Variants in HSBP1 observed in about 807,000 individuals in gnomAD.
HSBP1 encodes heat shock factor-binding protein 1.
In HSBP1, 5 loss-of-function variants were observed where a neutral mutation model predicts 9.6. The observed-to-expected ratio is 0.52, with a 90% confidence interval of 0.27 to 1.09. The LOEUF (loss-of-function observed/expected upper bound fraction) is 1.09, where lower values mean the gene tolerates loss of function less well. Among genes scored for constraint, HSBP1 ranks in the 50% least tolerant of loss-of-function variants. The pLI, the probability that HSBP1 is intolerant of heterozygous loss-of-function variation, is 0.11. For synonymous variants in HSBP1, 42 were observed against 33.3 expected (o/e 1.26, Z -0.90); for missense variants, 121 against 96.3 (o/e 1.26, Z -1.07).
At chr16:83,808,535 G>T (rs1904516996) in intron 1 of HSBP1, 145 bp from the exon 2 acceptor site, 4 of 625,730 alleles carry the variant, frequency 6.4e-6, no homozygotes, top group Non-Finnish European at 1.1e-5. Context: ...CGGAAGCCCA[G>T]AGAAGGAAGA....
At chr16:83,808,641 T>G in intron 1 of HSBP1, 39 bp from the exon 2 acceptor site, 1 of 1,548,446 alleles carries the variant, frequency 6.5e-7, no homozygotes, top group Non-Finnish European at 8.9e-7. Context: ...TGTCTCAGGA[T>G]CGATGTGGAC....
Position 83,819,088 on chromosome 16 carries a change from A to C in HSBP1, c.*7670A>C, listed in dbSNP as rs1273349929. ...GAGAGAGCCAGGGCCTTCGGGCATC[A>C]ACCTTGGGGCGAGGGTGTTGGGTTG... On this transcript the variant is annotated 3_prime_UTR_variant, in exon 4 of 4. Coordinates refer to ENST00000433866, the MANE Select transcript of HSBP1 (RefSeq NM_001537.4). The C allele has an allele frequency of 1.3e-5, 2 of 151,952 alleles. No homozygotes were observed. The highest frequency in any genetic ancestry group is 2.9e-5 in the Non-Finnish European group (2 of 67,980). The allele number at this position is 151,952 out of a possible 1,614,324, so 9.4% of individuals were successfully genotyped here. A position where few individuals can be genotyped will look rare whatever the true frequency, so the allele number is the denominator to read the frequency against.
Position 83,815,629 on chromosome 16 carries a change from T to C in HSBP1, c.*4211T>C, listed in dbSNP as rs527446235. On this transcript the variant is annotated 3_prime_UTR_variant, in exon 4 of 4. Coordinates refer to ENST00000433866, the MANE Select transcript of HSBP1 (RefSeq NM_001537.4). Reference sequence around the variant, plus strand: ...AGGGTTCGAGTGATCCTGAAAGCTGTACAACATCAGCCTCTGTGGGATCCC... The same window carrying C: ...AGGGTTCGAGTGATCCTGAAAGCTGCACAACATCAGCCTCTGTGGGATCCC... 2 of 152,290 alleles carry C rather than the reference T, an allele frequency of 1.3e-5. No individual in the cohort carries two copies. The allele number at this position is 152,290 out of a possible 1,614,324, so 9.4% of individuals were successfully genotyped here.
At position 83,815,416 on chromosome 16, in the gene HSBP1, G is replaced by A. The variant is rs1470247105; in HGVS notation, c.*3998G>A. 2 of 152,110 alleles carry A rather than the reference G, an allele frequency of 1.3e-5. No individual in the cohort carries two copies. The highest frequency in any genetic ancestry group is 2.9e-5 in the Non-Finnish European group (2 of 68,086). The allele number at this position is 152,110 out of a possible 1,614,324, so 9.4% of individuals were successfully genotyped here. On this transcript the variant is annotated 3_prime_UTR_variant, in exon 4 of 4. Coordinates refer to ENST00000433866, the MANE Select transcript of HSBP1 (RefSeq NM_001537.4). ...GCTCCCAGCTACTCAGGAGGCTGAG[G>A]TGGGAGGATCATTTGAGCCCAGGAA...
In HSBP1 at chr16:83,814,934, C is replaced by T. The variant is rs1257831049; in HGVS notation, c.*3516C>T. 2 of 148,286 alleles carry T rather than the reference C, an allele frequency of 1.3e-5. No homozygotes were observed. The highest frequency in any genetic ancestry group is 3.0e-5 in the Non-Finnish European group (2 of 65,932). 9.2% of individuals were successfully genotyped at this position (148,286 alleles called of 1,614,324 possible). On this transcript the variant is annotated 3_prime_UTR_variant, in exon 4 of 4. Coordinates refer to ENST00000433866, the MANE Select transcript of HSBP1 (RefSeq NM_001537.4). ...CCCACAAAAATTATTGCTTGAGGCC[C>T]AACCCGGGGGATAAAAAGACACCCC... is the stretch of plus-strand genomic sequence containing the variant.
Position 83,808,611 on chromosome 16 carries a change from G to A in HSBP1, c.46-69G>A. On this transcript the variant is annotated intron_variant, in intron 1 of 3. Coordinates refer to ENST00000433866, the MANE Select transcript of HSBP1 (RefSeq NM_001537.4). ...GGCTGGAACCCCGGGACCAGGGCTTGCGTCCTGATCCCAGGAAGTTGTCTC... is the reference window on the plus strand; with the variant it reads ...GGCTGGAACCCCGGGACCAGGGCTTACGTCCTGATCCCAGGAAGTTGTCTC... 2.4e-6 allele frequency: 3 copies of A among 1,253,270 alleles called. 1 individual carries two copies. In the South Asian group the frequency reaches 3.8e-5, roughly 16 times the overall value. The allele number at this position is 1,253,270 out of a possible 1,614,324, so 77.6% of individuals were successfully genotyped here.
At chr16:83,810,521 C>CAAAAA (rs751338141) in intron 3 of HSBP1, among the ~76,000 whole-genome samples, 13 of 51,598 alleles carry the variant, frequency 2.5e-4, no homozygotes, top group Non-Finnish European at 2.9e-4. Context: ...GACTCTGTCT[C>CAAAAA]AAAAAAAAAA....
At position 83,809,363 on chromosome 16, in the gene HSBP1, A is replaced by C. The variant is rs774918874; in HGVS notation, c.171A>C (p.Thr57=). ...AAAAGAATATCGCGGACCTCATGAC[A>C]CAGGCTGGGGTGGAAGAACTGGAAA... ...DLEKNIADLM[T]QAGVEELESE... Residue 57 remains threonine, a synonymous_variant, in exon 3 of 4, where the codon ACA becomes ACC. Transcript: ENST00000433866. The C allele has an allele frequency of 1.2e-6, 2 of 1,605,538 alleles. No homozygotes were observed. Among genetic ancestry groups the C allele is most frequent in the Non-Finnish European group, 1.7e-6 (2 of 1,176,018 alleles).
chr16:83,815,517 A>AC lies in HSBP1; in HGVS notation c.*4099_*4100insC, dbSNP rs1281317431. 4.0e-5 allele frequency: 6 copies of AC among 151,536 alleles called. No homozygotes were observed. Among genetic ancestry groups the AC allele is most frequent in the Non-Finnish European group, 8.8e-5 (6 of 67,952 alleles). The allele number at this position is 151,536 out of a possible 1,614,324, so 9.4% of individuals were successfully genotyped here. A position where few individuals can be genotyped will look rare whatever the true frequency, so the allele number is the denominator to read the frequency against. On this transcript the variant is annotated 3_prime_UTR_variant, in exon 4 of 4. Transcript: ENST00000433866. The stretch of plus-strand genomic sequence containing the variant: ...ACAGAGCAAGACCCTGTCTCAAAAA[A>AC]AAAAAAAAAGGGCGGATCCTAACGC...
chr16:83,809,043 T>A (rs1904533690), intron 2 of HSBP1: 1 of 542,280 alleles, frequency 1.8e-6, no homozygotes, highest in Non-Finnish European at 3.3e-6. Flanking sequence ...ACCTTATGAG[T>A]GGGTTGTAGT....
At position 83,811,865 on chromosome 16, in the gene HSBP1, C is replaced by T. The variant is rs565856092; in HGVS notation, c.*447C>T. ...TTCTTTAATTCTTGGCACAACGTGA[C>T]TGTTGAGCTAACACCAAATAGTGTG... is the stretch of plus-strand genomic sequence containing the variant. On this transcript the variant is annotated 3_prime_UTR_variant, in exon 4 of 4. Coordinates refer to ENST00000433866, the MANE Select transcript of HSBP1 (RefSeq NM_001537.4). 1 of 152,304 alleles carries T rather than the reference C, an allele frequency of 6.6e-6. No homozygotes were observed. The highest frequency in any genetic ancestry group is 1.5e-5 in the Non-Finnish European group (1 of 68,030). 9.4% of individuals were successfully genotyped at this position (152,304 alleles called of 1,614,324 possible).
intron 1 of HSBP1, chr16:83,808,413 A>C (rs1158870518): frequency 3.6e-6 from 2 of 562,314 alleles, no homozygotes; most frequent in Non-Finnish European, 3.1e-6. Context: ...CCGCCCTTCA[A>C]CTCCTCACAC....
intron 3 of HSBP1, among the ~76,000 whole-genome samples, chr16:83,810,680 T>A (rs752622279): frequency 3.5e-4 from 53 of 151,684 alleles, no homozygotes; most frequent in Middle Eastern, 6.8e-3. Flanking sequence ...GTACAAAAAT[T>A]AGCTGGGTGT....
Position 83,816,904 on chromosome 16 carries a change from G to A in HSBP1, c.*5486G>A, listed in dbSNP as rs758056065. The A allele has an allele frequency of 6.6e-6, 1 of 152,200 alleles. No individual in the cohort carries two copies. Among genetic ancestry groups the A allele is most frequent in the Non-Finnish European group, 1.5e-5 (1 of 68,054 alleles). 9.4% of individuals were successfully genotyped at this position (152,200 alleles called of 1,614,324 possible). A position where few individuals can be genotyped will look rare whatever the true frequency, so the allele number is the denominator to read the frequency against. ...AGAAAGGAAATCAGAATGGCTATCG[G>A]GTGGACAACCTACAGTGTTTGCTAC... On this transcript the variant is annotated 3_prime_UTR_variant, in exon 4 of 4. Transcript: ENST00000433866.
intron 3 of HSBP1, among the ~76,000 whole-genome samples, chr16:83,810,078 G>A (rs556080812): frequency 6.6e-6 from 1 of 150,872 alleles, no homozygotes; most frequent in Non-Finnish European, 1.5e-5. Flanking sequence ...TATAAAGCCT[G>A]TCACTGGAAG....
chr16:83,815,526 A>AAT lies in HSBP1; in HGVS notation c.*4108_*4109insAT, dbSNP rs1555531565. Reference sequence around the variant, plus strand: ...GACCCTGTCTCAAAAAAAAAAAAAAAGGGCGGATCCTAACGCTTGGTCCTC... The same window carrying AAT: ...GACCCTGTCTCAAAAAAAAAAAAAAAATGGGCGGATCCTAACGCTTGGTCCTC... On this transcript the variant is annotated 3_prime_UTR_variant, in exon 4 of 4. Transcript: ENST00000433866. 1.3e-5 allele frequency: 2 copies of AAT among 150,400 alleles called. No individual in the cohort carries two copies. The highest frequency in any genetic ancestry group is 2.4e-5 in the African/African-American group (1 of 40,856). 9.3% of individuals were successfully genotyped at this position (150,400 alleles called of 1,614,324 possible).
At position 83,818,107 on chromosome 16, in the gene HSBP1, G is replaced by A. The variant is rs529483610; in HGVS notation, c.*6689G>A. On this transcript the variant is annotated 3_prime_UTR_variant, in exon 4 of 4. Transcript: ENST00000433866. ...AGAATTTTAGAGGTTCATGGTTACCGTGGGTCGGCACTGGGTCTGTGAGCC... is the reference window on the plus strand; with the variant it reads ...AGAATTTTAGAGGTTCATGGTTACCATGGGTCGGCACTGGGTCTGTGAGCC... 29 of 152,294 alleles carry A rather than the reference G, an allele frequency of 1.9e-4. 1 individual carries two copies. The highest frequency in any genetic ancestry group is 6.5e-4 in the African/African-American group (27 of 41,544). The allele number at this position is 152,294 out of a possible 1,614,324, so 9.4% of individuals were successfully genotyped here. A position where few individuals can be genotyped will look rare whatever the true frequency, so the allele number is the denominator to read the frequency against.
rs879706704 is a variant in HSBP1 at position 83,815,631 on chromosome 16, C to G, written c.*4213C>G. 6.6e-6 allele frequency: 1 copy of G among 152,094 alleles called. No homozygotes were observed. The highest frequency in any genetic ancestry group is 2.4e-5 in the African/African-American group (1 of 41,396). 9.4% of individuals were successfully genotyped at this position (152,094 alleles called of 1,614,324 possible). ...GGTTCGAGTGATCCTGAAAGCTGTA[C>G]AACATCAGCCTCTGTGGGATCCCTG... On this transcript the variant is annotated 3_prime_UTR_variant, in exon 4 of 4. Transcript: ENST00000433866.
In HSBP1 at chr16:83,808,085, G is replaced by C. The variant is rs1419389797; in HGVS notation, c.9G>C (p.Glu3Asp). ...AGCTGGGCATCGGGGAGATGGCCGA[G>C]ACTGACCCCAAGACCGTGCAGGACC... is the stretch of plus-strand genomic sequence containing the variant. MA[E>D]TDPKTVQDLT... Residue 3 changes from glutamate to aspartate, a missense_variant, in exon 1 of 4, where the codon GAG becomes GAC. Physicochemically the swap from Glu to Asp is conservative, Grantham distance 45 (BLOSUM62 2). Coordinates refer to ENST00000433866, the MANE Select transcript of HSBP1 (RefSeq NM_001537.4). The C allele has an allele frequency of 1.9e-6, 3 of 1,546,266 alleles. No homozygotes were observed. The highest frequency in any genetic ancestry group is 2.5e-5 in the East Asian group (1 of 40,030).
Sources: allele counts gnomAD v4.1 joint callset (sites outside exome capture counted in the v4.1 genomes callset), GRCh38; gene constraint gnomAD v4.1.1; transcripts MANE v1.5; gene names NCBI Gene and HGNC (gene_info 2026-07-23, HGNC 2026-07-21).